The following SPOCK2 variants were observed in gnomAD, a reference collection of about 807,000 sequenced individuals.
SPOCK2 encodes the protein SPARC (osteonectin), cwcv and kazal like domains proteoglycan 2, also known as testican-2.
SPOCK2 carries 39 observed loss-of-function variants against 60.1 expected under a neutral mutation model. The ratio of observed to expected loss-of-function variants is 0.65; its 90% CI spans 0.50 to 0.85. SPOCK2 has a LOEUF of 0.85. SPOCK2 is among the 40% of genes least tolerant of loss of function. The pLI is 0.00. For synonymous variants in SPOCK2, 217 were observed against 231.5 expected (o/e 0.94, Z 0.57); for missense variants, 523 against 567.4 (o/e 0.92, Z 0.80).
intron 2 of SPOCK2, 165 bp downstream of exon 2, chr10:72,072,737 T>C (rs1406835970): frequency 7.4e-6 from 10 of 1,357,422 alleles, no homozygotes; most frequent in African/African-American, 4.3e-5. Context: ...TATAAACCCA[T>C]GTCCAGAATC....
chr10:72,063,044 C>T lies in SPOCK2; in HGVS notation c.1110G>A (p.Thr370=), dbSNP rs199960855. ...QLGLELTGTR[T]HGSPDCDDIV... ...CCGTACCGCAGTCGGGGCTCCCATG[C>T]GTGCGCGTGCCAGTCAGCTCCAGGC... Residue 370 remains threonine (T), a synonymous_variant, in exon 10 of 11, where the codon ACG becomes ACA. Coordinates refer to ENST00000373109, the MANE Select transcript of SPOCK2 (RefSeq NM_001244950.2). 199 of 1,553,786 alleles carry T rather than the reference C, an allele frequency of 1.3e-4. No individual in the cohort carries two copies. In the East Asian group the frequency reaches 3.2e-3, roughly 25 times the overall value.
chr10:72,066,802 G>A (rs937545513), intron 8 of SPOCK2, 100 bp downstream of exon 8: 95 of 1,369,998 alleles, frequency 6.9e-5, no homozygotes, highest in East Asian at 4.1e-4. Flanking sequence ...GCCTGGGGAC[G>A]TAGCCAAGAA....
chr10:72,071,368 C>A (rs1193919721), intron 4 of SPOCK2, among the ~76,000 whole-genome samples: 2 of 152,012 alleles, frequency 1.3e-5, no homozygotes, highest in Admixed American at 6.5e-5. Flanking sequence ...TTTGTATTTT[C>A]AGTAGAGATG....
upstream of SPOCK2, chr10:72,088,722 T>A: frequency 5.9e-6 from 1 of 170,900 alleles, no homozygotes; most frequent in East Asian, 1.6e-4. Context: ...CAGCCCCGCC[T>A]GGCACACAGG....
Position 72,088,427 on chromosome 10 carries a change from G to C in SPOCK2, c.-99C>G, listed in dbSNP as rs145766049. 538 of 1,367,926 alleles carry C rather than the reference G, an allele frequency of 3.9e-4. 1 individual carries two copies. The African/African-American group carries it at 7.3e-3, about 18-fold the overall frequency. 84.7% of individuals were successfully genotyped at this position (1,367,926 alleles called of 1,614,324 possible). A position where few individuals can be genotyped will look rare whatever the true frequency, so the allele number is the denominator to read the frequency against. On this transcript the variant is annotated 5_prime_UTR_variant, in exon 1 of 11. Transcript: ENST00000373109. ...GGCGAAGCGCACGCGGCTGTCCTCA[G>C]CTCTCCTCCCGCGGTCTGCCTCCGG...
In SPOCK2 at chr10:72,063,161, G is replaced by A; in HGVS notation, c.993C>T (p.Gly331=). The part of the protein sequence containing the change: ...QIQEAAKKKP[G]IFIPSCDEDG... ...CCTCGTCGCAGCTCGGGATGAAGATGCCTGAATGAGACAGTGCCAGGCAGG... is the reference window on the plus strand; with the variant it reads ...CCTCGTCGCAGCTCGGGATGAAGATACCTGAATGAGACAGTGCCAGGCAGG... Residue 331 remains glycine, a splice_region_variant and synonymous_variant, in exon 10 of 11, where the codon GGC becomes GGT. Coordinates refer to ENST00000373109, the MANE Select transcript of SPOCK2 (RefSeq NM_001244950.2). 6.4e-7 allele frequency: 1 copy of A among 1,556,410 alleles called. No individual in the cohort carries two copies. The highest frequency in any genetic ancestry group is 8.7e-7 in the Non-Finnish European group (1 of 1,149,650).
Position 72,072,172 on chromosome 10 carries a change from A to G in SPOCK2, c.331T>C (p.Cys111Arg). The G allele has an allele frequency of 1.3e-6, 2 of 1,541,500 alleles. No individual in the cohort carries two copies. The highest frequency in any genetic ancestry group is 1.7e-6 in the Non-Finnish European group (2 of 1,144,030). The part of the protein sequence containing the change: ...CIAQGYQRAM[C>R]ISRKKLEHRI... ...TGCTCCAGCTTCTTGCGACTGATGC[A>G]CATGGCCCGCTGGTAGCCCTGGGCA... is the stretch of plus-strand genomic sequence containing the variant. Residue 111 changes from cysteine to arginine, a missense_variant, in exon 4 of 11, where the codon TGC becomes CGC. Physicochemically the swap from Cys to Arg is radical, Grantham distance 180. Coordinates refer to ENST00000373109, the MANE Select transcript of SPOCK2 (RefSeq NM_001244950.2).
At chr10:72,066,843 G>T in intron 8 of SPOCK2, 59 bp downstream of exon 8, 1 of 1,598,998 alleles carries the variant, frequency 6.3e-7, no homozygotes, top group Non-Finnish European at 8.6e-7. Context: ...AGAGAGCCTG[G>T]AACTTCGGGT....
chr10:72,086,877 A>C, intron 1 of SPOCK2: 1 of 1,550,836 alleles, frequency 6.4e-7, no homozygotes, highest in Non-Finnish European at 8.7e-7. Context: ...TAGCCTATGA[A>C]GCATGTGTGT....
chr10:72,087,952 C>T lies in SPOCK2; in HGVS notation c.189+188G>A, dbSNP rs1362010948. On this transcript the variant is annotated intron_variant, in intron 1 of 10. Transcript: ENST00000373109. This position sits in a 1 kb window ranked among gnomAD's most constrained non-coding sequence, Gnocchi z 4.7. ...GGCTGGGGGGTCCCAGGGCCGCCGG[C>T]CCGGGCCGCAGGGACAGGGGAGGGG... is the stretch of plus-strand genomic sequence containing the variant. 6.6e-6 allele frequency among the ~76,000 whole-genome samples: 1 copy of T among 151,928 alleles called. No individual in the cohort carries two copies. Among genetic ancestry groups the T allele is most frequent in the East Asian group, 1.9e-4 (1 of 5,154 alleles).
At chr10:72,074,260 C>T (rs552216997) in intron 1 of SPOCK2, among the ~76,000 whole-genome samples, 2 of 152,134 alleles carry the variant, frequency 1.3e-5, no homozygotes, top group African/African-American at 2.4e-5. Flanking sequence ...AGCTGGCAAG[C>T]GTCAGAGCAG....
chr10:72,088,984 G>A (rs1840905868), upstream of SPOCK2: 2 of 152,302 alleles, frequency 1.3e-5, no homozygotes, highest in South Asian at 2.1e-4. Flanking sequence ...GCGAGTTATG[G>A]CTCTACCGTA....
rs185538663 is a variant in SPOCK2 at position 72,071,150 on chromosome 10, C to T, written c.360-724G>A. 6.0e-4 allele frequency among the ~76,000 whole-genome samples: 91 copies of T among 152,144 alleles called. 2 individuals are homozygous for T. In the East Asian group the frequency reaches 0.014, roughly 24 times the overall value. ...GTCTTGGAGCCAGGCAGAGCCTTGT[C>T]CTTGGGCTGGAGCTAAGACTTCCTT... On this transcript the variant is annotated intron_variant, in intron 4 of 10. Coordinates refer to ENST00000373109, the MANE Select transcript of SPOCK2 (RefSeq NM_001244950.2).
chr10:72,079,649 T>C (rs529864184), intron 1 of SPOCK2, among the ~76,000 whole-genome samples: 62 of 152,270 alleles, frequency 4.1e-4, no homozygotes, highest in African/African-American at 1.5e-3. Flanking sequence ...AATCACCCGC[T>C]CACTTCACAG....
intron 8 of SPOCK2, 91 bp downstream of exon 8, chr10:72,066,807 CAAGA>C: frequency 6.9e-7 from 1 of 1,443,318 alleles, no homozygotes; most frequent in Non-Finnish European, 9.6e-7. Context: ...GGGACGTAGC[CAAGA>C]AAGAGCCACT....
At position 72,067,086 on chromosome 10, in the gene SPOCK2, G is replaced by C. The variant is rs769644146; in HGVS notation, c.744C>G (p.Asp248Glu). 1 of 1,614,196 alleles carries C rather than the reference G, an allele frequency of 6.2e-7. No homozygotes were observed. Reference protein sequence around the residue: ...LDKSLGASCKDSIGWMFSKLD... With the variant: ...LDKSLGASCKESIGWMFSKLD... Reference sequence around the variant, plus strand: ...GCTTGGAGAACATCCAGCCAATGGAGTCCTTGCAGCTGGCCCCCAGGCTCT... The same window carrying C: ...GCTTGGAGAACATCCAGCCAATGGACTCCTTGCAGCTGGCCCCCAGGCTCT... Residue 248 changes from aspartate (D) to glutamate (E), a missense_variant, in exon 8 of 11, where the codon GAC becomes GAG. By Grantham distance (45) the Asp-to-Glu change is conservative (BLOSUM62 2). Transcript: ENST00000373109.
intron 1 of SPOCK2, among the ~76,000 whole-genome samples, chr10:72,079,773 C>T (rs754190474): frequency 6.6e-6 from 1 of 152,068 alleles, no homozygotes; most frequent in Admixed American, 6.5e-5. Context: ...GGTCAAGATC[C>T]ACCTGCTTCT....
Position 72,087,626 on chromosome 10 carries a change from C to T in SPOCK2, c.189+514G>A, listed in dbSNP as rs1490153768. On this transcript the variant is annotated intron_variant, in intron 1 of 10. Transcript: ENST00000373109. The surrounding 1 kb of genome is among the most constrained non-coding windows in gnomAD (Gnocchi z 4.7). ...CACACTCCCGTCCCATGCTGTCCCC[C>T]TCCCGCAAAGCCCACGGTGGGAACA... 6.6e-6 allele frequency among the ~76,000 whole-genome samples: 1 copy of T among 152,216 alleles called. No homozygotes were observed. Among genetic ancestry groups the T allele is most frequent in the African/African-American group, 2.4e-5 (1 of 41,466 alleles).
rs1840626629 is a variant in SPOCK2 at position 72,070,132 on chromosome 10, T to C, written c.474+180A>G. ...GGGTCTGGCTCCAACTCTCAGGTAG[T>C]TCCAGCCAGGGCTGCAGGTGGCCCC... On this transcript the variant is annotated intron_variant, in intron 5 of 10. Coordinates refer to ENST00000373109, the MANE Select transcript of SPOCK2 (RefSeq NM_001244950.2). 10 of 585,904 alleles carry C rather than the reference T, an allele frequency of 1.7e-5. No homozygotes were observed. The East Asian group carries it at 2.9e-4, about 17-fold the overall frequency. The allele number at this position is 585,904 out of a possible 1,614,324, so 36.3% of individuals were successfully genotyped here. A position where few individuals can be genotyped will look rare whatever the true frequency, so the allele number is the denominator to read the frequency against.
Sources: allele counts gnomAD v4.1 joint callset (sites outside exome capture counted in the v4.1 genomes callset), GRCh38; gene constraint gnomAD v4.1.1; non-coding constraint Gnocchi (gnomAD v3.1); transcripts MANE v1.5; gene names NCBI Gene and HGNC (gene_info 2026-07-23, HGNC 2026-07-21).